Variants in TTLL12 observed in about 807,000 individuals in gnomAD.
TTLL12 encodes tubulin--tyrosine ligase-like protein 12.
TTLL12 carries 77 observed loss-of-function variants against 79.6 expected under a neutral mutation model. The observed-to-expected ratio is 0.97, with a 90% confidence interval of 0.81 to 1.17. TTLL12 has a LOEUF of 1.17. Ranked by LOEUF, TTLL12 falls within the 50% of genes most tolerant of loss-of-function variation. TTLL12 has a pLI of 0.00. For missense variants in TTLL12, 969 were observed against 895.9 expected, an observed-to-expected ratio of 1.08 and a Z score of -1.04; for synonymous variants, 437 against 376.1, an observed-to-expected ratio of 1.16 and a Z score of -1.87.
In TTLL12 at chr22:43,179,830, G is replaced by A; in HGVS notation, c.706+11C>T. On this transcript the variant is annotated intron_variant, in intron 4 of 13. Coordinates refer to ENST00000216129, the MANE Select transcript of TTLL12 (RefSeq NM_015140.4). The stretch of plus-strand genomic sequence containing the variant: ...GGCCCCTCCTCCAGGGCGGGCAGGT[G>A]CTGGACTTACCGCCAGTGTCCAGGT... 6.3e-7 allele frequency: 1 copy of A among 1,578,046 alleles called. No homozygotes were observed.
rs1931853266 is a variant in TTLL12, at chr22:43,174,501, G to A, written c.1032C>T (p.Tyr344=). 6.2e-7 allele frequency: 1 copy of A among 1,609,182 alleles called. No homozygotes were observed. Among genetic ancestry groups the A allele is most frequent in the Non-Finnish European group, 8.5e-7 (1 of 1,176,654 alleles). The change falls in exon 7 of 14, where the codon TAC becomes TAT. Residue 344 remains tyrosine, a splice_region_variant and synonymous_variant. Transcript: ENST00000216129. ...CCTGCGGCCAGAGGTGCCCTCACCT[G>A]TAGTCCTTGAAGTGTGAGAAGTTGA... ...ILFNFSHFKD[Y]RKLSQERPGV...
At chr22:43,185,001 G>A (rs540129832) in intron 1 of TTLL12, among the ~76,000 whole-genome samples, 39 of 151,956 alleles carry the variant, frequency 2.6e-4, no homozygotes, top group African/African-American at 8.7e-4. Flanking sequence ...AGGCCAAAGC[G>A]GGCGGATCAC....
At chr22:43,177,693 C>A (rs1013071624) in intron 5 of TTLL12, among the ~76,000 whole-genome samples, 1 of 152,260 alleles carries the variant, frequency 6.6e-6, no homozygotes, top group Admixed American at 6.5e-5. Context: ...ACACAGCAGG[C>A]ATGCACATAT....
chr22:43,186,154 C>T (rs1932177025), intron 1 of TTLL12: 1 of 228,220 alleles, frequency 4.4e-6, no homozygotes, highest in Non-Finnish European at 7.0e-6. Context: ...GGAGACAGCA[C>T]CTGGAGGAGA....
intron 1 of TTLL12, 50 bp downstream of exon 1, chr22:43,186,843 G>A (rs1932197138): frequency 3.2e-6 from 4 of 1,237,868 alleles, no homozygotes; most frequent in East Asian, 3.4e-5. Context: ...GCGGGCTCCC[G>A]CCGCGCTCCC....
intron 12 of TTLL12, 62 bp downstream of exon 12, chr22:43,169,438 T>A: frequency 7.1e-7 from 1 of 1,412,058 alleles, no homozygotes; most frequent in South Asian, 1.4e-5. Context: ...GAGCAGCTCC[T>A]GCAGGCCCCC....
Position 43,173,751 on chromosome 22 carries a change from C to T in TTLL12, c.1305G>A (p.Leu435=). The change falls in exon 9 of 14, where the codon CTG becomes CTA. Residue 435 remains leucine, a synonymous_variant. Coordinates refer to ENST00000216129, the MANE Select transcript of TTLL12 (RefSeq NM_015140.4). ...RSLDTHVTKS[L]HSIIRHREST... ...TCTCTCGGTGCCGGATGATGCTGTG[C>T]AGGCTCTTGGTGACGTGGGTGTCCA... 1 of 1,604,364 alleles carries T rather than the reference C, an allele frequency of 6.2e-7. No homozygotes were observed. The highest frequency in any genetic ancestry group is 8.5e-7 in the Non-Finnish European group (1 of 1,179,940).
In TTLL12 at chr22:43,180,629, G is replaced by A. The variant is rs115694718; in HGVS notation, c.546+113C>T. 6.4e-3 allele frequency: 7,956 copies of A among 1,235,562 alleles called. 268 individuals carry two copies. The African/African-American group carries it at 0.078, about 12-fold the overall frequency. 76.5% of individuals were successfully genotyped at this position (1,235,562 alleles called of 1,614,324 possible). On this transcript the variant is annotated intron_variant, in intron 3 of 13. Transcript: ENST00000216129. ...GCACTCTCCTTAGGAAGCCACAGGA[G>A]AAAGTGAGTTGCTTGCTCTGGCCGG...
rs769075041 is a variant in TTLL12, at chr22:43,176,346, C to T, written c.891G>A (p.Val297=). ...TGAAGATGTGGCCGTGGGGGTGCAC[C>T]ACGGGGTTGATGTCAAGTGGCAGCT... The part of the protein sequence containing the change: ...KEKLPLDINP[V]VHPHGHIFKV... Residue 297 remains valine (V), a synonymous_variant, in exon 6 of 14, where the codon GTG becomes GTA. Transcript: ENST00000216129. 43 of 1,603,620 alleles carry T rather than the reference C, an allele frequency of 2.7e-5. No individual in the cohort carries two copies. The highest frequency in any genetic ancestry group is 3.5e-5 in the Non-Finnish European group (41 of 1,176,482).
At chr22:43,173,280 T>C (rs1461494783) in intron 9 of TTLL12, among the ~76,000 whole-genome samples, 1 of 152,126 alleles carries the variant, frequency 6.6e-6, no homozygotes, top group Non-Finnish European at 1.5e-5. Context: ...TGGCACACTA[T>C]GTGGTAGGAA....
chr22:43,173,832 G>A lies in TTLL12; in HGVS notation c.1230-6C>T, dbSNP rs149759832. 1,301 of 1,600,822 alleles carry A rather than the reference G, an allele frequency of 8.1e-4. 26 individuals carry two copies. The East Asian group carries it at 0.024, about 29-fold the overall frequency. ...TCCAGTGGTTGTCCTCGCCCCTGGGGAGCAGAAGGGCTGTCTGGGGGGCGC... is the reference window on the plus strand; with the variant it reads ...TCCAGTGGTTGTCCTCGCCCCTGGGAAGCAGAAGGGCTGTCTGGGGGGCGC... On this transcript the variant is annotated splice_polypyrimidine_tract_variant and splice_region_variant and intron_variant, in intron 8 of 13. Coordinates refer to ENST00000216129, the MANE Select transcript of TTLL12 (RefSeq NM_015140.4).
intron 1 of TTLL12, among the ~76,000 whole-genome samples, chr22:43,186,678 C>G (rs979246356): frequency 6.6e-6 from 1 of 152,202 alleles, no homozygotes; most frequent in Non-Finnish European, 1.5e-5. Context: ...CTCAGCCGGT[C>G]TCGGGCCCGG....
At chr22:43,185,863 A>C in intron 1 of TTLL12, 13 of 693,276 alleles carry the variant, frequency 1.9e-5, no homozygotes, top group Non-Finnish European at 2.3e-5. Context: ...TCCACCCAGC[A>C]CAGGCCTGGG....
chr22:43,169,279 G>A (rs1324170853), intron 12 of TTLL12, among the ~76,000 whole-genome samples: 4 of 152,170 alleles, frequency 2.6e-5, no homozygotes, highest in African/African-American at 9.6e-5. Context: ...TGCCCCACAT[G>A]CCCCTCCAGC....
At chr22:43,172,600 C>T (rs907732767) in intron 9 of TTLL12, 46 bp from the exon 10 acceptor site, 34 of 1,610,700 alleles carry the variant, frequency 2.1e-5, no homozygotes, top group Non-Finnish European at 2.7e-5. Context: ...GACAGAGCCC[C>T]CTGGGGCTCC....
rs1361804412 is a variant in TTLL12, at chr22:43,168,867, C to T, written c.1690G>A (p.Ala564Thr). 2 of 1,610,344 alleles carry T rather than the reference C, an allele frequency of 1.2e-6. No homozygotes were observed. Among genetic ancestry groups the T allele is most frequent in the Non-Finnish European group, 1.7e-6 (2 of 1,178,780 alleles). ...AFTELFQVAC[A>T]KPPPLGLCDY... ...CAGAGGCCCAGGGGTGGTGGCTTGGCACAGGCCACCTGGAACAGCTCCGTG... is the reference window on the plus strand; with the variant it reads ...CAGAGGCCCAGGGGTGGTGGCTTGGTACAGGCCACCTGGAACAGCTCCGTG... The change falls in exon 13 of 14, where the codon GCC (alanine) becomes ACC (threonine). Residue 564 changes from alanine (A) to threonine (T), a missense_variant. Ala to Thr is a moderately conservative substitution (Grantham distance 58, BLOSUM62 0). Coordinates refer to ENST00000216129, the MANE Select transcript of TTLL12 (RefSeq NM_015140.4).
chr22:43,167,884 G>T lies in TTLL12; in HGVS notation c.*124C>A. The T allele has an allele frequency of 1.6e-6, 2 of 1,280,482 alleles. No individual in the cohort carries two copies. The highest frequency in any genetic ancestry group is 2.2e-6 in the Non-Finnish European group (2 of 920,784). The allele number at this position is 1,280,482 out of a possible 1,614,324, so 79.3% of individuals were successfully genotyped here. On this transcript the variant is annotated 3_prime_UTR_variant, in exon 14 of 14. Transcript: ENST00000216129. ...CGGGAGGATGGCTCGGCAGGACAGA[G>T]GCCTGGGGCTGAGGCTATGCCCAGG...
chr22:43,185,281 A>C (rs1310677088), intron 1 of TTLL12, among the ~76,000 whole-genome samples: 26,675 of 116,822 alleles, frequency 0.23, 4,105 homozygotes, highest in Non-Finnish European at 0.27. Flanking sequence ...ATATATATAT[A>C]TATATATATA....
chr22:43,177,729 C>T (rs1222665549), intron 5 of TTLL12, among the ~76,000 whole-genome samples: 9 of 152,224 alleles, frequency 5.9e-5, no homozygotes, highest in Non-Finnish European at 5.9e-5. Flanking sequence ...GTCCACAGCC[C>T]GACGGGCGGC....
Sources: gnomAD v4.1 joint callset for allele counts (sites outside exome capture counted in the v4.1 genomes callset) on GRCh38, gnomAD v4.1.1 for gene constraint, MANE v1.5 for transcripts, NCBI Gene and HGNC (gene_info 2026-07-23, HGNC 2026-07-21) for gene names.